PIK3C2G: variants seen among roughly 807,000 people sequenced by gnomAD.
PIK3C2G encodes phosphatidylinositol-4-phosphate 3-kinase catalytic subunit type 2 gamma.
PIK3C2G carries 168 observed loss-of-function variants against 181.1 expected under a neutral mutation model. The observed-to-expected ratio is 0.93, with a 90% CI of 0.82 to 1.05. PIK3C2G has a LOEUF of 1.05. PIK3C2G is among the 50% of genes least tolerant of loss of function. PIK3C2G has a pLI of 0.00. For synonymous variants in PIK3C2G, 573 were observed against 592.2 expected (o/e 0.97, Z 0.47); for missense variants, 1,869 against 1,732.8 (o/e 1.08, Z -1.40).
intron 29 of PIK3C2G, among the ~76,000 whole-genome samples, chr12:18,570,776 C>A (rs528214583): frequency 6.6e-6 from 1 of 150,598 alleles, no homozygotes; most frequent in Admixed American, 6.6e-5. Context: ...AAGTTTATAT[C>A]TATCTGACCC....
At chr12:18,719,752 G>A in the PIK3C2G span, 1 of 620,220 alleles carries the variant, frequency 1.6e-6, no homozygotes, top group Non-Finnish European at 2.6e-6. Flanking sequence ...TATTCCTTTA[G>A]AATTAATATT....
At chr12:18,406,898 T>C (rs1944566609) in intron 16 of PIK3C2G, among the ~76,000 whole-genome samples, 1 of 152,160 alleles carries the variant, frequency 6.6e-6, no homozygotes, top group African/African-American at 2.4e-5. Flanking sequence ...AACACAAAGA[T>C]ACATATTTTG....
intron 18 of PIK3C2G, among the ~76,000 whole-genome samples, chr12:18,445,076 A>G (rs897899080): frequency 8.5e-5 from 13 of 152,128 alleles, no homozygotes; most frequent in African/African-American, 3.1e-4. Context: ...TTGGATGGCC[A>G]GCTGAGGGGA....
intron 32 of PIK3C2G, among the ~76,000 whole-genome samples, chr12:18,644,686 T>A (rs1203335844): frequency 6.6e-6 from 1 of 152,158 alleles, no homozygotes; most frequent in Non-Finnish European, 1.5e-5. Context: ...GTGAAGACAA[T>A]GTGACCCAGA....
intron 29 of PIK3C2G, among the ~76,000 whole-genome samples, chr12:18,590,178 C>T (rs911052685): frequency 4.8e-5 from 7 of 147,240 alleles, no homozygotes; most frequent in Admixed American, 3.4e-4. Context: ...AGAAAAGAAA[C>T]GTTCTTCATA....
At chr12:18,443,682 G>A (rs546067531) in intron 18 of PIK3C2G, among the ~76,000 whole-genome samples, 5 of 152,080 alleles carry the variant, frequency 3.3e-5, no homozygotes, top group East Asian at 1.9e-4. Flanking sequence ...ATTCTTTCAC[G>A]GAAAAGTGAT....
At chr12:18,327,335 T>C (rs1453501242) in intron 8 of PIK3C2G, among the ~76,000 whole-genome samples, 1 of 152,116 alleles carries the variant, frequency 6.6e-6, no homozygotes, top group East Asian at 1.9e-4. Context: ...CATTTCATCA[T>C]GTCCAAAACA....
At chr12:18,442,314 A>C (rs1376807729) in intron 18 of PIK3C2G, among the ~76,000 whole-genome samples, 1 of 152,190 alleles carries the variant, frequency 6.6e-6, no homozygotes, top group Non-Finnish European at 1.5e-5. Flanking sequence ...GCACTGGACC[A>C]ATTTCACAAA....
At position 18,394,843 on chromosome 12, in the gene PIK3C2G, C is replaced by A. The variant is rs190779279; in HGVS notation, c.2126+3591C>A. Among the ~76,000 whole-genome samples the A allele has an allele frequency of 7.1e-4, 107 of 151,382 alleles. No homozygotes were observed. The Middle Eastern group carries it at 0.01, about 15-fold the overall frequency. ...AAACAATATGTGTGTATTGGACACA[C>A]CAAAAAGGAGAAAGATAGTGAGGCA... On this transcript the variant is annotated intron_variant, in intron 15 of 32. Transcript: ENST00000538779.
chr12:18,364,382 G>A (rs931740691), intron 12 of PIK3C2G, among the ~76,000 whole-genome samples: 1 of 152,108 alleles, frequency 6.6e-6, no homozygotes. Context: ...GTATCATTGG[G>A]CAAAATTGTT....
chr12:18,595,656 T>C (rs1351605774), intron 30 of PIK3C2G, among the ~76,000 whole-genome samples: 1 of 152,154 alleles, frequency 6.6e-6, no homozygotes, highest in Non-Finnish European at 1.5e-5. Context: ...CTTTGGCTTC[T>C]GATTGCCCTT....
chr12:18,641,991 C>A (rs574391813), intron 32 of PIK3C2G, among the ~76,000 whole-genome samples: 1 of 152,228 alleles, frequency 6.6e-6, no homozygotes, highest in East Asian at 1.9e-4. Flanking sequence ...CTCAGGTGAT[C>A]CACCGCCTCA....
the PIK3C2G span, among the ~76,000 whole-genome samples, chr12:18,672,301 C>T: frequency 1.3e-5 from 2 of 152,008 alleles, no homozygotes; most frequent in African/African-American, 2.4e-5. Context: ...ATTACTCAGT[C>T]GTCATTGCTC....
At chr12:18,715,492 C>G in the PIK3C2G span, among the ~76,000 whole-genome samples, 1 of 151,774 alleles carries the variant, frequency 6.6e-6, no homozygotes. Context: ...AGCTCCGCCT[C>G]CCGGGTTCAC....
intron 29 of PIK3C2G, among the ~76,000 whole-genome samples, chr12:18,571,766 AAC>A (rs1261526102): frequency 6.6e-6 from 1 of 150,796 alleles, no homozygotes; most frequent in African/African-American, 2.5e-5. Flanking sequence ...TCTTATAAGC[AAC>A]ACACAGATGG....
At chr12:18,610,078 T>C (rs1409609113) in intron 31 of PIK3C2G, among the ~76,000 whole-genome samples, 1 of 152,032 alleles carries the variant, frequency 6.6e-6, no homozygotes, top group Admixed American at 6.6e-5. Context: ...AAAGTTCCAC[T>C]CTCTATTACA....
At chr12:18,594,975 G>T (rs76695581) in intron 30 of PIK3C2G, among the ~76,000 whole-genome samples, 1,613 of 152,032 alleles carry the variant, frequency 0.011, 27 homozygotes, top group African/African-American at 0.037. Context: ...AAACTAAAAT[G>T]GTTGAGAACT....
chr12:18,286,671 T>C (rs1357074141), intron 2 of PIK3C2G, among the ~76,000 whole-genome samples, 176 bp from the exon 3 acceptor site: 1 of 152,098 alleles, frequency 6.6e-6, no homozygotes, highest in Non-Finnish European at 1.5e-5. Context: ...AGAACTCAAA[T>C]TATATACTTA....
chr12:18,696,063 G>A, the PIK3C2G span: 1 of 710,022 alleles, frequency 1.4e-6, no homozygotes, highest in East Asian at 3.3e-5. Flanking sequence ...TTTACAGAAA[G>A]CCCTTTTCAC....
Sources: allele counts gnomAD v4.1 joint callset (sites outside exome capture counted in the v4.1 genomes callset), GRCh38; gene constraint gnomAD v4.1.1; transcripts MANE v1.5; gene names NCBI Gene and HGNC (gene_info 2026-07-23, HGNC 2026-07-21).